PLXNA4: variants seen among roughly 807,000 people sequenced by gnomAD.
The protein encoded by PLXNA4 is plexin A4, also known as plexin-A4.
PLXNA4 carries 44 observed loss-of-function variants against 191.8 expected under a neutral mutation model. The ratio of observed to expected loss-of-function variants is 0.23; its 90% CI spans 0.18 to 0.29. The LOEUF (loss-of-function observed/expected upper bound fraction) is 0.29, where lower values mean the gene tolerates loss of function less well. PLXNA4 is among the 10% of genes least tolerant of loss of function. PLXNA4 has a pLI of 1.00. For missense variants in PLXNA4, 1,800 were observed against 2,488.8 expected (o/e 0.72, Z 5.89); for synonymous variants, 1,082 against 1,009.5 (o/e 1.07, Z -1.36).
intron 3 of PLXNA4, among the ~76,000 whole-genome samples, chr7:132,309,617 G>A (rs774685071): frequency 3.3e-5 from 5 of 152,154 alleles, no homozygotes; most frequent in Non-Finnish European, 4.4e-5. Flanking sequence ...AAGGATGCTG[G>A]GGCTGGCACA....
chr7:132,211,674 A>G (rs1000213454), intron 9 of PLXNA4, among the ~76,000 whole-genome samples: 4 of 152,210 alleles, frequency 2.6e-5, no homozygotes, highest in Non-Finnish European at 2.9e-5. Flanking sequence ...ATGTTTGAGA[A>G]TGTTCTGGAA....
At chr7:132,312,429 T>G (rs1169700975) in intron 3 of PLXNA4, among the ~76,000 whole-genome samples, 1 of 152,126 alleles carries the variant, frequency 6.6e-6, no homozygotes, top group Non-Finnish European at 1.5e-5. Context: ...ATGTTTCAGA[T>G]GTGAAAACTG....
At chr7:132,511,494 T>C (rs1798713511) in intron 1 of PLXNA4, among the ~76,000 whole-genome samples, 1 of 152,186 alleles carries the variant, frequency 6.6e-6, no homozygotes. Context: ...CACCTACCAG[T>C]ATCATGAGAA....
chr7:132,188,512 ATAGGGAAGCCCCAGAGCTTCCC>A (rs1467355393), intron 14 of PLXNA4, among the ~76,000 whole-genome samples: 1 of 152,034 alleles, frequency 6.6e-6, no homozygotes, highest in Non-Finnish European at 1.5e-5. Context: ...AGATGCTTTG[ATAGGGAAGCCCCAGAGCTTCCC>A]TATCACCTGG....
chr7:132,178,764 C>G (rs1255353539), intron 20 of PLXNA4, among the ~76,000 whole-genome samples: 4 of 136,782 alleles, frequency 2.9e-5, no homozygotes, highest in Admixed American at 2.8e-4. Flanking sequence ...CACACACACA[C>G]ACACACACAC....
At chr7:132,390,247 A>T (rs1177561691) in intron 3 of PLXNA4, among the ~76,000 whole-genome samples, 1 of 152,212 alleles carries the variant, frequency 6.6e-6, no homozygotes, top group East Asian at 1.9e-4. Flanking sequence ...ATAAAAAAGG[A>T]TGAGTTCCTA....
chr7:132,532,781 C>T (rs1799671642), intron 1 of PLXNA4, among the ~76,000 whole-genome samples: 1 of 152,202 alleles, frequency 6.6e-6, no homozygotes, highest in Non-Finnish European at 1.5e-5. Context: ...TCTCTATTGC[C>T]CATGCATGTC....
chr7:132,456,160 T>G (rs1313663263), intron 3 of PLXNA4, among the ~76,000 whole-genome samples: 1 of 150,792 alleles, frequency 6.6e-6, no homozygotes, highest in African/African-American at 2.5e-5. Context: ...TCACCCAGGT[T>G]GGAGTGCAGT....
chr7:132,512,417 G>C (rs1798757051), intron 1 of PLXNA4, among the ~76,000 whole-genome samples: 3 of 152,156 alleles, frequency 2.0e-5, no homozygotes. Context: ...ACTGAAAGGA[G>C]ACACAGTTAT....
intron 3 of PLXNA4, among the ~76,000 whole-genome samples, chr7:132,364,765 A>C (rs1804088515): frequency 6.6e-6 from 1 of 152,212 alleles, no homozygotes; most frequent in Admixed American, 6.5e-5. Context: ...TGGTTGAGCT[A>C]AGTGGGCTCT....
At chr7:132,386,149 C>G (rs1271954745) in intron 3 of PLXNA4, among the ~76,000 whole-genome samples, 1 of 152,114 alleles carries the variant, frequency 6.6e-6, no homozygotes, top group Non-Finnish European at 1.5e-5. Flanking sequence ...AGCTGCCCAG[C>G]ATTGAAACAA....
chr7:132,472,972 A>T (rs1796987024), intron 3 of PLXNA4, among the ~76,000 whole-genome samples: 1 of 152,248 alleles, frequency 6.6e-6, no homozygotes, highest in Non-Finnish European at 1.5e-5. Flanking sequence ...AAACAGTACT[A>T]AACATTATCA....
intron 4 of PLXNA4, among the ~76,000 whole-genome samples, chr7:132,245,109 G>A (rs922339744): frequency 1.3e-5 from 2 of 151,916 alleles, no homozygotes; most frequent in Non-Finnish European, 2.9e-5. Flanking sequence ...ACCACCCCAC[G>A]CTGATTAAAG....
intron 1 of PLXNA4, among the ~76,000 whole-genome samples, chr7:132,568,093 C>T (rs184604710): frequency 5.6e-4 from 86 of 152,262 alleles, no homozygotes; most frequent in African/African-American, 1.9e-3. Flanking sequence ...TAGTAAAAAA[C>T]GTTGATGAGG....
rs545222033 is a variant in PLXNA4, at chr7:132,125,817, G to GTGAC, written c.*4658_*4661dup. ...CTGGGGGTCAGGTGAGCTCCTGGAG[G>GTGAC]TGACTCAGTCATGGAAAGACCCCTT... On this transcript the variant is annotated 3_prime_UTR_variant, in exon 32 of 32. Coordinates refer to ENST00000321063, the MANE Select transcript of PLXNA4 (RefSeq NM_020911.2). 0.013 allele frequency: 1,920 copies of GTGAC among 152,340 alleles called. 12 individuals carry two copies. The highest frequency in any genetic ancestry group is 0.02 in the Non-Finnish European group (1,360 of 68,156). The allele number at this position is 152,340 out of a possible 1,614,324, so 9.4% of individuals were successfully genotyped here. A position where few individuals can be genotyped will look rare whatever the true frequency, so the allele number is the denominator to read the frequency against.
Position 132,194,130 on chromosome 7 carries a change from C to G in PLXNA4, c.2788G>C (p.Val930Leu). Reference protein sequence around the residue: ...EAKPSQHAGFVEICVAVCRPE... With the variant: ...EAKPSQHAGFLEICVAVCRPE... ...CGACACACAGCCACGCAGATCTCCA[C>G]GAAGCCTGCATGCTGGCTGGGCTTG... The change falls in exon 14 of 32, where the codon GTG (valine) becomes CTG (leucine). Residue 930 changes from valine (V) to leucine (L), a missense_variant. Val to Leu is a conservative substitution (Grantham distance 32). Around this residue, in one of 6 missense-constraint regions of PLXNA4, gnomAD observed 1,397 missense variants for 1,880.4 expected, o/e 0.74. Transcript: ENST00000321063. The G allele has an allele frequency of 6.2e-7, 1 of 1,614,032 alleles. No individual in the cohort carries two copies. The highest frequency in any genetic ancestry group is 8.5e-7 in the Non-Finnish European group (1 of 1,179,908).
At chr7:132,395,699 G>A (rs1793729588) in intron 3 of PLXNA4, among the ~76,000 whole-genome samples, 1 of 152,192 alleles carries the variant, frequency 6.6e-6, no homozygotes, top group African/African-American at 2.4e-5. Flanking sequence ...TGGAGAGAGG[G>A]GAGAGTATTA....
chr7:132,580,018 C>T (rs79010315), upstream of PLXNA4, among the ~76,000 whole-genome samples: 5,789 of 152,110 alleles, frequency 0.038, 259 homozygotes, highest in African/African-American at 0.1. Flanking sequence ...GCCAGCTTTA[C>T]AATTTGGAGC....
chr7:132,341,856 T>C (rs576739256), intron 3 of PLXNA4, among the ~76,000 whole-genome samples: 1 of 152,312 alleles, frequency 6.6e-6, no homozygotes, highest in South Asian at 2.1e-4. Context: ...GTAAACCACA[T>C]AGATTTCATA....
Sources: gnomAD v4.1 joint callset for allele counts (sites outside exome capture counted in the v4.1 genomes callset) on GRCh38, gnomAD v4.1.1 for gene constraint, gnomAD v4.1.1 regional missense constraint, MANE v1.5 for transcripts, NCBI Gene and HGNC (gene_info 2026-07-23, HGNC 2026-07-21) for gene names.